The following MCTP1 variants were observed in gnomAD, a reference collection of about 807,000 sequenced individuals.
MCTP1 encodes the protein multiple C2 and transmembrane domain containing 1, also known as multiple C2 and transmembrane domain-containing protein 1.
MCTP1 carries 69 observed loss-of-function variants against 120.6 expected under a neutral mutation model. The observed-to-expected ratio is 0.57, with a 90% CI of 0.47 to 0.70. The LOEUF (loss-of-function observed/expected upper bound fraction) is 0.70, where lower values mean the gene tolerates loss of function less well. Among genes scored for constraint, MCTP1 ranks in the 30% least tolerant of loss-of-function variants. The pLI is 0.00. For missense variants in MCTP1, 1,203 were observed against 1,248.8 expected (o/e 0.96, Z 0.55); for synonymous variants, 529 against 493.1 (o/e 1.07, Z -0.96).
chr5:94,837,815 AG>A (rs2153188677), intron 17 of MCTP1, among the ~76,000 whole-genome samples: 1 of 152,354 alleles, frequency 6.6e-6, no homozygotes, highest in African/African-American at 2.4e-5. Context: ...TAAGGCTCCC[AG>A]GTCAGATTAT....
intron 12 of MCTP1, among the ~76,000 whole-genome samples, chr5:94,882,444 T>C (rs1043784789): frequency 1.3e-5 from 2 of 152,170 alleles, no homozygotes; most frequent in Admixed American, 1.3e-4. Context: ...AAAAATCTAG[T>C]TAAATCTAGA....
intron 2 of MCTP1, among the ~76,000 whole-genome samples, chr5:95,014,038 A>T (rs973353060): frequency 6.6e-6 from 1 of 151,958 alleles, no homozygotes; most frequent in African/African-American, 2.4e-5. Flanking sequence ...AAGGGGGAAG[A>T]TCACTTGAAA....
rs1369255684 is a variant in MCTP1, at chr5:94,933,546, G to C, written c.1174-1555C>G. Among the ~76,000 whole-genome samples, 5 of 151,888 alleles carry C rather than the reference G, an allele frequency of 3.3e-5. No individual in the cohort carries two copies. The East Asian group carries it at 5.8e-4, about 18-fold the overall frequency. ...ACCAAGCAGAGTTTCAATGGACAAA[G>C]AATGGTATATCCTAGAGATGATATT... On this transcript the variant is annotated intron_variant, in intron 5 of 22. Transcript: ENST00000515393.
intron 12 of MCTP1, 53 bp downstream of exon 12, chr5:94,888,826 A>G (rs1201783630): frequency 1.9e-6 from 2 of 1,069,606 alleles, no homozygotes; most frequent in African/African-American, 3.1e-5. Flanking sequence ...TAAATGGTGT[A>G]GACCTTGTGT....
At chr5:95,141,812 A>T (rs1431830722) in intron 1 of MCTP1, among the ~76,000 whole-genome samples, 4 of 151,926 alleles carry the variant, frequency 2.6e-5, no homozygotes, top group Admixed American at 2.6e-4. Flanking sequence ...CAGGATTTTT[A>T]TTAATGTAGT....
chr5:94,819,175 C>T (rs909130879), intron 17 of MCTP1, among the ~76,000 whole-genome samples: 13 of 151,956 alleles, frequency 8.6e-5, no homozygotes, highest in African/African-American at 3.1e-4. Flanking sequence ...GTCACCCAGG[C>T]TGTAGTACAA....
chr5:95,186,160 A>C (rs1749181513), intron 1 of MCTP1, among the ~76,000 whole-genome samples: 1 of 152,006 alleles, frequency 6.6e-6, no homozygotes, highest in Admixed American at 6.5e-5. Context: ...ATAAGGCAAG[A>C]GAAAGAAAAA....
chr5:95,045,328 G>C (rs543136549), intron 1 of MCTP1, among the ~76,000 whole-genome samples: 3 of 152,238 alleles, frequency 2.0e-5, no homozygotes, highest in Admixed American at 6.5e-5. Flanking sequence ...CCTTATCACA[G>C]TTTGGAAATA....
At chr5:94,833,775 A>AT (rs1302425767) in intron 17 of MCTP1, among the ~76,000 whole-genome samples, 5 of 152,196 alleles carry the variant, frequency 3.3e-5, no homozygotes, top group African/African-American at 1.2e-4. Flanking sequence ...AGTTCCCTAG[A>AT]TTATCTGCAG....
At chr5:94,714,980 AAAT>A (rs1452706581) in intron 19 of MCTP1, 94 bp from the exon 20 acceptor site, 1 of 754,582 alleles carries the variant, frequency 1.3e-6, no homozygotes, top group African/African-American at 1.8e-5. Context: ...TTTTAAACTT[AAAT>A]AAACTTCATT....
chr5:94,959,856 A>G (rs1368485109), intron 2 of MCTP1, among the ~76,000 whole-genome samples: 1 of 152,242 alleles, frequency 6.6e-6, no homozygotes, highest in African/African-American at 2.4e-5. Flanking sequence ...AAAGTAATTT[A>G]TAGATTCAAT....
intron 2 of MCTP1, among the ~76,000 whole-genome samples, chr5:94,988,930 C>A (rs1184401080): frequency 1.3e-5 from 2 of 152,068 alleles, no homozygotes; most frequent in Non-Finnish European, 2.9e-5. Context: ...AGAACTAACT[C>A]ATATCATGAG....
chr5:95,238,640 C>T (rs1286640959), intron 1 of MCTP1, among the ~76,000 whole-genome samples: 2 of 152,176 alleles, frequency 1.3e-5, no homozygotes, highest in East Asian at 3.8e-4. Flanking sequence ...GCCGTCACAA[C>T]CTTTATAACC....
In MCTP1 at chr5:94,714,782, T is replaced by A. The variant is rs2636; in HGVS notation, c.2715A>T (p.Ile905=). 0.44 allele frequency: 693,124 copies of A among 1,569,418 alleles called. 156,315 individuals are homozygous for A. The highest frequency in any genetic ancestry group is 0.55 in the Middle Eastern group (3,255 of 5,968). The stretch of plus-strand genomic sequence containing the variant: ...CACAGGTCACCGTCACTCACTTCTT[T>A]ATCCTTTCGCCAAAGGAAGCCACTT... ...LDEVASFGER[I]KNTFNWTVPF... The change falls in exon 20 of 23, where the codon ATA becomes ATT. Residue 905 remains isoleucine (I), a synonymous_variant. Coordinates refer to ENST00000515393, the MANE Select transcript of MCTP1 (RefSeq NM_024717.7).
At chr5:95,090,399 G>A (rs575691255) in intron 1 of MCTP1, among the ~76,000 whole-genome samples, 39 of 152,152 alleles carry the variant, frequency 2.6e-4, no homozygotes, top group Non-Finnish European at 5.0e-4. Flanking sequence ...TCTGTGAGCT[G>A]ATCCTTCTCA....
intron 1 of MCTP1, among the ~76,000 whole-genome samples, chr5:95,174,222 G>A (rs1016429855): frequency 2.6e-5 from 4 of 152,058 alleles, no homozygotes; most frequent in African/African-American, 9.7e-5. Context: ...AAAAGAGGAC[G>A]AAAATAAACC....
At chr5:94,716,449 G>T (rs1007499850) in intron 19 of MCTP1, among the ~76,000 whole-genome samples, 1 of 151,068 alleles carries the variant, frequency 6.6e-6, no homozygotes, top group Non-Finnish European at 1.5e-5. Flanking sequence ...AGAGTAAAAT[G>T]AATAACTAGT....
Position 95,284,563 on chromosome 5 carries a change from C to T in MCTP1, c.13G>A (p.Ala5Thr). The T allele has an allele frequency of 1.4e-6, 2 of 1,439,870 alleles. No individual in the cohort carries two copies. The highest frequency in any genetic ancestry group is 1.8e-6 in the Non-Finnish European group (2 of 1,109,644). 89.2% of individuals were successfully genotyped at this position (1,439,870 alleles called of 1,614,324 possible). ...GGCTCTGGCTCGCCCGCCGCGGCAGCCCGGGGCTCCATCCTCCACCCCCTG... is the reference window on the plus strand; with the variant it reads ...GGCTCTGGCTCGCCCGCCGCGGCAGTCCGGGGCTCCATCCTCCACCCCCTG... MEPR[A>T]AAAGEPEPPA... The change falls in exon 1 of 23, where the codon GCT (alanine) becomes ACT (threonine). Residue 5 changes from alanine to threonine, a missense_variant. Around this residue, in one of 2 missense-constraint regions of MCTP1, gnomAD observed 463 missense variants for 377.8 expected, o/e 1.23. Transcript: ENST00000515393. The surrounding 1 kb of genome is among the most constrained non-coding windows in gnomAD (Gnocchi z 5.2).
chr5:95,120,376 T>C (rs956082503), intron 1 of MCTP1, among the ~76,000 whole-genome samples: 3 of 151,818 alleles, frequency 2.0e-5, no homozygotes, highest in East Asian at 1.9e-4. Flanking sequence ...CAAAGACACA[T>C]TAAAAAAAAG....
Sources: allele counts gnomAD v4.1 joint callset (sites outside exome capture counted in the v4.1 genomes callset), GRCh38; gene constraint gnomAD v4.1.1; regional missense constraint gnomAD v4.1.1; non-coding constraint Gnocchi (gnomAD v3.1); transcripts MANE v1.5; gene names NCBI Gene and HGNC (gene_info 2026-07-23, HGNC 2026-07-21).